Variants in NUP155 observed in about 807,000 individuals in gnomAD.
NUP155 encodes the protein nuclear pore complex protein Nup155.
A neutral mutation model predicts 180.4 loss-of-function variants in NUP155; 71 were observed. The observed-to-expected ratio is 0.39, with a 90% CI of 0.33 to 0.48. The LOEUF is 0.48. NUP155 is among the 20% of genes least tolerant of loss of function. The pLI, the probability that NUP155 is intolerant of heterozygous loss-of-function variation, is 0.91. For missense variants in NUP155, 1,553 were observed against 1,648.9 expected (o/e 0.94, Z 1.01); for synonymous variants, 582 against 559.5 (o/e 1.04, Z -0.57).
At chr5:37,338,596 G>A (rs1410831660) in intron 11 of NUP155, among the ~76,000 whole-genome samples, 3 of 151,956 alleles carry the variant, frequency 2.0e-5, no homozygotes, top group Non-Finnish European at 4.4e-5. Flanking sequence ...TAGTAGAGAC[G>A]AGGTTTCACC....
chr5:37,331,683 AC>A lies in NUP155; in HGVS notation c.1629+1del, dbSNP rs1189791174. 6.6e-7 allele frequency: 1 copy of A among 1,522,022 alleles called. No homozygotes were observed. Among genetic ancestry groups the A allele is most frequent in the African/African-American group, 1.4e-5 (1 of 73,274 alleles). 94.3% of individuals were successfully genotyped at this position (1,522,022 alleles called of 1,614,324 possible). A position where few individuals can be genotyped will look rare whatever the true frequency, so the allele number is the denominator to read the frequency against. ...ACATTTTTTAAAAGTATATATAATT[AC>A]CTGATGTAATTTAAAGAATCTTTCA... On this transcript the variant is annotated splice_donor_variant, in intron 14 of 34. Coordinates refer to ENST00000231498, the MANE Select transcript of NUP155 (RefSeq NM_153485.3). LOFTEE classifies it high-confidence loss of function.
intron 9 of NUP155, among the ~76,000 whole-genome samples, chr5:37,346,970 G>C (rs956118246): frequency 6.6e-6 from 1 of 152,158 alleles, no homozygotes; most frequent in African/African-American, 2.4e-5. Flanking sequence ...GCTCATGCCT[G>C]TAACCCCAGC....
At position 37,367,542 on chromosome 5, in the gene NUP155, T is replaced by G. The variant is rs1336622044; in HGVS notation, c.158-3158A>C. On this transcript the variant is annotated intron_variant, in intron 1 of 34. Coordinates refer to ENST00000231498, the MANE Select transcript of NUP155 (RefSeq NM_153485.3). ...ACAGCATTTTTCTTTTTCCTTTTTT[T>G]TTTTTTTTGAGACGGAGTCTCACTC... Among the ~76,000 whole-genome samples the G allele has an allele frequency of 3.3e-5, 5 of 151,410 alleles. No individual in the cohort carries two copies. The South Asian group carries it at 1.0e-3, about 32-fold the overall frequency.
chr5:37,293,114 T>C (rs1309030369), intron 33 of NUP155, 129 bp from the exon 34 acceptor site: 13 of 667,262 alleles, frequency 1.9e-5, no homozygotes, highest in Non-Finnish European at 3.5e-5. Flanking sequence ...TAATATCACA[T>C]GGCTACTAAA....
At chr5:37,304,073 C>A (rs1207725529) in intron 27 of NUP155, among the ~76,000 whole-genome samples, 1 of 151,678 alleles carries the variant, frequency 6.6e-6, no homozygotes, top group Admixed American at 6.6e-5. Context: ...CATGGTAAAA[C>A]CCCGTCTCTA....
At chr5:37,365,752 T>TATATATATACACACAC (rs1403169370) in intron 1 of NUP155, among the ~76,000 whole-genome samples, 6 of 37,886 alleles carry the variant, frequency 1.6e-4, no homozygotes, top group African/African-American at 2.2e-4. Flanking sequence ...TATATATATA[T>TATATATATACACACAC]ACACACACAC....
At chr5:37,327,980 A>G (rs541039529) in intron 17 of NUP155, among the ~76,000 whole-genome samples, 2 of 152,320 alleles carry the variant, frequency 1.3e-5, no homozygotes, top group South Asian at 4.1e-4. Context: ...GTTTTCCTTA[A>G]TAAGAAGAGA....
intron 25 of NUP155, among the ~76,000 whole-genome samples, chr5:37,306,900 G>A (rs1420644093): frequency 6.6e-6 from 1 of 151,938 alleles, no homozygotes; most frequent in Non-Finnish European, 1.5e-5. Context: ...TTGGGTGGTC[G>A]ACCTTTACAC....
chr5:37,329,317 C>T, intron 15 of NUP155, 39 bp from the exon 16 acceptor site: 1 of 1,495,176 alleles, frequency 6.7e-7, no homozygotes, highest in Non-Finnish European at 9.3e-7. Context: ...TTCAGTAAAA[C>T]AAACCATCCA....
At chr5:37,322,359 G>A (rs113658174) in intron 20 of NUP155, among the ~76,000 whole-genome samples, 2,140 of 152,212 alleles carry the variant, frequency 0.014, 49 homozygotes, top group African/African-American at 0.048. Context: ...CTCCCCCAAT[G>A]CCATGTGATT....
intron 13 of NUP155, among the ~76,000 whole-genome samples, chr5:37,332,251 C>CA (rs1745019205): frequency 8.5e-6 from 1 of 117,732 alleles, no homozygotes; most frequent in Admixed American, 8.9e-5. Flanking sequence ...ACTTAAAGGA[C>CA]AAAATAAAAC....
intron 34 of NUP155, among the ~76,000 whole-genome samples, chr5:37,292,421 T>TAGCC (rs1273822683): frequency 6.6e-6 from 1 of 152,052 alleles, no homozygotes; most frequent in Non-Finnish European, 1.5e-5. Flanking sequence ...TTTCACGTGT[T>TAGCC]AGCCAGGATG....
At chr5:37,346,970 G>A (rs956118246) in intron 9 of NUP155, among the ~76,000 whole-genome samples, 3 of 152,160 alleles carry the variant, frequency 2.0e-5, no homozygotes, top group East Asian at 1.9e-4. Context: ...GCTCATGCCT[G>A]TAACCCCAGC....
At chr5:37,328,919 G>A (rs1047717339) in intron 16 of NUP155, among the ~76,000 whole-genome samples, 5 of 152,150 alleles carry the variant, frequency 3.3e-5, no homozygotes, top group African/African-American at 7.2e-5. Flanking sequence ...ACTGATGTGC[G>A]AGTTAATTAT....
At chr5:37,323,912 A>G (rs1388769320) in intron 20 of NUP155, 80 bp downstream of exon 20, 2 of 979,728 alleles carry the variant, frequency 2.0e-6, no homozygotes, top group African/African-American at 1.6e-5. Context: ...AAAAGGACCA[A>G]CTTTGTAGTA....
In NUP155 at chr5:37,298,772, CTCTT is replaced by C. The variant is rs1176375933; in HGVS notation, c.3793+92_3793+95del. The stretch of plus-strand genomic sequence containing the variant: ...AGTGCTGAACTAAATAGCAAAGAAA[CTCTT>C]TATTTTACTCGAAAGATCGTTATTT... On this transcript the variant is annotated intron_variant, in intron 32 of 34. Coordinates refer to ENST00000231498, the MANE Select transcript of NUP155 (RefSeq NM_153485.3). 11 of 749,522 alleles carry C rather than the reference CTCTT, an allele frequency of 1.5e-5. No homozygotes were observed. The East Asian group carries it at 2.9e-4, about 20-fold the overall frequency. The allele number at this position is 749,522 out of a possible 1,614,324, so 46.4% of individuals were successfully genotyped here.
At chr5:37,298,319 A>T (rs1742695526) in intron 32 of NUP155, among the ~76,000 whole-genome samples, 1 of 151,902 alleles carries the variant, frequency 6.6e-6, no homozygotes, top group Non-Finnish European at 1.5e-5. Context: ...TTGATATTCT[A>T]ATTTATGGAT....
intron 16 of NUP155, 34 bp from the exon 17 acceptor site, chr5:37,328,454 AAAG>A (rs759610814): frequency 2.1e-4 from 301 of 1,414,238 alleles, no homozygotes; most frequent in Non-Finnish European, 2.7e-4. Flanking sequence ...AAGATTTAGA[AAAG>A]AACATCTCAA....
Position 37,325,722 on chromosome 5 carries a change from C to A in NUP155, c.2091+179G>T, listed in dbSNP as rs551653808. 2.5e-3 allele frequency among the ~76,000 whole-genome samples: 338 copies of A among 134,654 alleles called. 2 individuals are homozygous for A. The highest frequency in any genetic ancestry group is 9.5e-3 in the African/African-American group (329 of 34,610). 88.3% of individuals were successfully genotyped at this position (134,654 alleles called of 152,430 possible). On this transcript the variant is annotated intron_variant, in intron 19 of 34. Transcript: ENST00000231498. The stretch of plus-strand genomic sequence containing the variant: ...GGGCAGAGGTTGCAGTAAGCTGAGA[C>A]TGGGCCACTGCACTCCAGCCTGGGA...
Sources: gnomAD v4.1 joint callset for allele counts (sites outside exome capture counted in the v4.1 genomes callset) on GRCh38, gnomAD v4.1.1 for gene constraint, MANE v1.5 for transcripts, NCBI Gene and HGNC (gene_info 2026-07-23, HGNC 2026-07-21) for gene names.